TAF15: variants seen among roughly 807,000 people sequenced by gnomAD.
The protein encoded by TAF15 is TATA-binding protein-associated factor 2N.
A neutral mutation model predicts 102.5 loss-of-function variants in TAF15; 37 were observed. That is an observed-to-expected ratio of 0.36 (90% CI 0.28 to 0.47). The LOEUF is 0.47. TAF15 is among the 20% of genes least tolerant of loss of function. The pLI, the probability that TAF15 is intolerant of heterozygous loss-of-function variation, is 0.99. For synonymous variants in TAF15, 273 were observed against 259.2 expected, an observed-to-expected ratio of 1.05 and a Z score of -0.51; for missense variants, 652 against 760.7, an observed-to-expected ratio of 0.86 and a Z score of 1.68.
Position 35,838,537 on chromosome 17 carries a change from C to T in TAF15, c.897C>T (p.Ala299=), listed in dbSNP as rs780270281. The change falls in exon 11 of 16, where the codon GCC becomes GCT. Residue 299 remains alanine, a synonymous_variant. Transcript: ENST00000605844. ...ATGACCCTCCTTCAGCTAAGGCAGCCATTGACTGGTTTGATGGTATGCCTC... is the reference window on the plus strand; with the variant it reads ...ATGACCCTCCTTCAGCTAAGGCAGCTATTGACTGGTTTGATGGTATGCCTC... ...SFDDPPSAKA[A]IDWFDGKEFH... is the part of the protein sequence containing the mutation. 9.9e-6 allele frequency: 16 copies of T among 1,614,054 alleles called. 1 individual carries two copies. The highest frequency in any genetic ancestry group is 1.6e-4 in the Middle Eastern group (1 of 6,084).
chr17:35,841,966 G>C (rs916381923), intron 11 of TAF15, among the ~76,000 whole-genome samples: 1 of 151,980 alleles, frequency 6.6e-6, no homozygotes, highest in African/African-American at 2.4e-5. Context: ...CAAAAGTGCT[G>C]AGATTACAGA....
At chr17:35,810,832 AATG>A (rs1354637225) in intron 1 of TAF15, 1 of 152,196 alleles carries the variant, frequency 6.6e-6, no homozygotes, top group Non-Finnish European at 1.5e-5. Context: ...TACTTAGATT[AATG>A]TTGATATTTA....
chr17:35,835,364 G>A (rs1401465611), intron 9 of TAF15, among the ~76,000 whole-genome samples: 1 of 152,156 alleles, frequency 6.6e-6, no homozygotes, highest in East Asian at 1.9e-4. Context: ...CTTATTTTGG[G>A]TAGAGGTCAC....
At chr17:35,818,200 A>G (rs928031671) in intron 2 of TAF15, among the ~76,000 whole-genome samples, 2 of 151,930 alleles carry the variant, frequency 1.3e-5, no homozygotes, top group African/African-American at 2.4e-5. Flanking sequence ...GGTTCACGCC[A>G]TTCTCTGGCC....
chr17:35,812,003 A>T (rs564690851), intron 1 of TAF15, among the ~76,000 whole-genome samples: 1 of 152,242 alleles, frequency 6.6e-6, no homozygotes, highest in Non-Finnish European at 1.5e-5. Flanking sequence ...AGAGGAGGGC[A>T]TACACCTTTT....
chr17:35,842,269 A>G (rs2087557347), intron 11 of TAF15, 98 bp from the exon 12 acceptor site: 4 of 852,278 alleles, frequency 4.7e-6, no homozygotes, highest in Non-Finnish European at 7.8e-6. Context: ...CATGTCAGTT[A>G]CTCCTCTGAA....
At chr17:35,843,175 G>A (rs1395691214) in intron 12 of TAF15, among the ~76,000 whole-genome samples, 1 of 151,654 alleles carries the variant, frequency 6.6e-6, no homozygotes, top group Non-Finnish European at 1.5e-5. Flanking sequence ...CCAGGCTGGA[G>A]TACAATGGCG....
At chr17:35,821,958 T>A (rs144618798) in intron 5 of TAF15, among the ~76,000 whole-genome samples, 1 of 152,316 alleles carries the variant, frequency 6.6e-6, no homozygotes, top group East Asian at 1.9e-4. Context: ...TCATTGTAAC[T>A]ATTAAAAGGA....
intron 1 of TAF15, 160 bp downstream of exon 1, chr17:35,809,736 C>T: frequency 7.4e-6 from 7 of 944,704 alleles, no homozygotes; most frequent in Admixed American, 2.2e-5. Context: ...GAACTGGAGG[C>T]ACGCACGCTC....
At chr17:35,834,411 ATAAT>A in intron 8 of TAF15, 151 bp from the exon 9 acceptor site, 1 of 684,888 alleles carries the variant, frequency 1.5e-6, no homozygotes, top group Non-Finnish European at 2.5e-6. Flanking sequence ...TAAATAAAAC[ATAAT>A]TTATATATTT....
Position 35,844,350 on chromosome 17 carries a change from T to C in TAF15, c.1159T>C (p.Ser387Pro). Residue 387 changes from serine to proline, a missense_variant, in exon 14 of 16, where the codon TCT (serine) becomes CCT (proline). By Grantham distance (74) the Ser-to-Pro change is moderately conservative. This residue lies in a region of TAF15 where 368 missense variants were observed against 367.5 expected (regional missense o/e 1.00). Coordinates refer to ENST00000605844, the MANE Select transcript of TAF15 (RefSeq NM_139215.3). ...GTGCAATGAGCCTAGACCAGAGGAC[T>C]CTCGTCCCTCAGGAGGAGGTGGGTC... is the stretch of plus-strand genomic sequence containing the variant. ...NQCNEPRPED[S>P]RPSGGDFRGR... 6.2e-6 allele frequency: 10 copies of C among 1,614,210 alleles called. No homozygotes were observed. The highest frequency in any genetic ancestry group is 8.5e-6 in the Non-Finnish European group (10 of 1,180,024).
intron 7 of TAF15, among the ~76,000 whole-genome samples, chr17:35,831,331 C>T (rs981774353): frequency 6.6e-5 from 10 of 150,770 alleles, no homozygotes; most frequent in Non-Finnish European, 8.9e-5. Flanking sequence ...GGCGGGAACC[C>T]AGGAGGCGGA....
intron 1 of TAF15, among the ~76,000 whole-genome samples, chr17:35,812,408 C>G (rs867044915): frequency 2.0e-5 from 3 of 151,754 alleles, no homozygotes; most frequent in Non-Finnish European, 2.9e-5. Flanking sequence ...ACCAGCTTGA[C>G]CAACCTGGAG....
At position 35,822,849 on chromosome 17, in the gene TAF15, C is replaced by T. The variant is rs371818549; in HGVS notation, c.484+16C>T. Reference sequence around the variant, plus strand: ...CACACACAAGGTAAGATTTACTGACCTCTATTATTATTTTTCCCCCTCTCA... The same window carrying T: ...CACACACAAGGTAAGATTTACTGACTTCTATTATTATTTTTCCCCCTCTCA... On this transcript the variant is annotated intron_variant, in intron 6 of 15. Transcript: ENST00000605844. The T allele has an allele frequency of 4.1e-4, 665 of 1,612,766 alleles. No individual in the cohort carries two copies. Among genetic ancestry groups the T allele is most frequent in the Non-Finnish European group, 5.2e-4 (618 of 1,178,862 alleles).
chr17:35,835,221 G>T (rs1021305788), intron 9 of TAF15, among the ~76,000 whole-genome samples: 1 of 152,140 alleles, frequency 6.6e-6, no homozygotes, highest in African/African-American at 2.4e-5. Context: ...ATTAATGAAA[G>T]AATTTATATC....
At chr17:35,823,215 TGTAA>T (rs954891337) in intron 6 of TAF15, among the ~76,000 whole-genome samples, 11 of 152,180 alleles carry the variant, frequency 7.2e-5, no homozygotes, top group Admixed American at 4.6e-4. Context: ...TAATTGTAAG[TGTAA>T]GTAAGTGCTT....
At chr17:35,838,348 A>C (rs1446288176) in intron 10 of TAF15, 76 bp from the exon 11 acceptor site, 1 of 1,586,774 alleles carries the variant, frequency 6.3e-7, no homozygotes, top group African/African-American at 1.4e-5. Flanking sequence ...AAAAAAAATA[A>C]ATCTTTGATT....
intron 7 of TAF15, among the ~76,000 whole-genome samples, chr17:35,827,710 A>G (rs1271739395): frequency 1.3e-5 from 2 of 152,062 alleles, no homozygotes; most frequent in African/African-American, 4.8e-5. Flanking sequence ...CATCGCAAAA[A>G]AAAAAAAGAA....
Position 35,844,086 on chromosome 17 carries a change from G to T in TAF15, c.1016G>T (p.Gly339Val). The T allele has an allele frequency of 1.9e-6, 3 of 1,614,176 alleles. No homozygotes were observed. The highest frequency in any genetic ancestry group is 2.2e-5 in the South Asian group (2 of 91,084). The change falls in exon 13 of 16, where the codon GGA (glycine) becomes GTA (valine). Residue 339 changes from glycine to valine, a missense_variant. Coordinates refer to ENST00000605844, the MANE Select transcript of TAF15 (RefSeq NM_139215.3). ...GGCCCCATCCCCCTAGGCCGTGGAG[G>T]ATATAGAGGTCGTGGAGGCTTTCAA... Reference protein sequence around the residue: ...GSGGGRRGRGGYRGRGGFQGR... With the variant: ...GSGGGRRGRGVYRGRGGFQGR...
Sources: allele counts gnomAD v4.1 joint callset (sites outside exome capture counted in the v4.1 genomes callset), GRCh38; gene constraint gnomAD v4.1.1; regional missense constraint gnomAD v4.1.1; transcripts MANE v1.5; gene names NCBI Gene and HGNC (gene_info 2026-07-23, HGNC 2026-07-21).